Variants in DYRK1B observed in about 807,000 individuals in gnomAD.
The protein encoded by DYRK1B is dual specificity tyrosine-phosphorylation-regulated kinase 1B.
Under a neutral mutation model 57.1 loss-of-function variants are expected in DYRK1B, and 20 were observed. That is an observed-to-expected ratio of 0.35 (90% confidence interval 0.25 to 0.51). The LOEUF (loss-of-function observed/expected upper bound fraction) is 0.51. Among genes scored for constraint, DYRK1B ranks in the 20% least tolerant of loss-of-function variants. DYRK1B has a pLI of 0.96. For missense variants in DYRK1B, 732 were observed against 886.3 expected, an observed-to-expected ratio of 0.83 and a Z score of 2.21; for synonymous variants, 409 against 384.7, an observed-to-expected ratio of 1.06 and a Z score of -0.74.
At chr19:39,829,413 G>A (rs1291523300) in intron 5 of DYRK1B, among the ~76,000 whole-genome samples, 1 of 152,026 alleles carries the variant, frequency 6.6e-6, no homozygotes, top group Non-Finnish European at 1.5e-5. Context: ...ATTTTTAGTA[G>A]AGACGGGGTT....
rs1436953665 is a variant in DYRK1B at position 39,828,842 on chromosome 19, TTCC to T, written c.521-262_521-260del. ...CTACTAGCTCTAACACATTCTACACTTCCTCATTTAATTTCATAACACTGCTTT... is the reference window on the plus strand; with the variant it reads ...CTACTAGCTCTAACACATTCTACACTTCATTTAATTTCATAACACTGCTTT... On this transcript the variant is annotated intron_variant, in intron 5 of 10. Transcript: ENST00000323039. This position sits in a 1 kb window ranked among gnomAD's most constrained non-coding sequence, Gnocchi z 4.3. 3.9e-5 allele frequency among the ~76,000 whole-genome samples: 6 copies of T among 152,230 alleles called. No homozygotes were observed. Among genetic ancestry groups the T allele is most frequent in the Non-Finnish European group, 7.4e-5 (5 of 68,026 alleles).
chr19:39,826,393 T>A lies in DYRK1B; in HGVS notation c.1412-107A>T. The A allele has an allele frequency of 1.0e-6, 1 of 982,494 alleles. No homozygotes were observed. The highest frequency in any genetic ancestry group is 1.5e-6 in the Non-Finnish European group (1 of 683,334). 60.9% of individuals were successfully genotyped at this position (982,494 alleles called of 1,614,324 possible). On this transcript the variant is annotated intron_variant, in intron 9 of 10. Transcript: ENST00000323039. This position sits in a 1 kb window ranked among gnomAD's most constrained non-coding sequence, Gnocchi z 6.3. ...TCACGGCCCAGGCTCAGGTTCAGGC[T>A]TCAAGAGCAGAGCCCATCTGAAGCA...
At chr19:39,829,195 G>A (rs1968688896) in intron 5 of DYRK1B, among the ~76,000 whole-genome samples, 1 of 149,034 alleles carries the variant, frequency 6.7e-6, no homozygotes, top group African/African-American at 2.5e-5. Context: ...TGTAACTGTT[G>A]TTGTTGTTAT....
In DYRK1B at chr19:39,827,611, GCACC is replaced by G; in HGVS notation, c.849_852del (p.Glu283AspfsTer39). ...GCCAGGTCGTAGGGTGTGCCCAGGA[GCACC>G]TCAGGTGAGCGGTAGAAGCGGCTCT... On this transcript the variant is annotated frameshift_variant, in exon 7 of 11. Transcript: ENST00000323039. LOFTEE classifies it high-confidence loss of function. 6.2e-7 allele frequency: 1 copy of G among 1,614,122 alleles called. No individual in the cohort carries two copies.
intron 4 of DYRK1B, 58 bp downstream of exon 4, chr19:39,830,316 TG>T (rs770686845): frequency 6.2e-7 from 1 of 1,605,038 alleles, no homozygotes; most frequent in South Asian, 1.1e-5. Context: ...ACTGAACCAC[TG>T]GGTGTGTGAT....
intron 6 of DYRK1B, among the ~76,000 whole-genome samples, 166 bp from the exon 7 acceptor site, chr19:39,827,822 C>A (rs549258077): frequency 6.6e-6 from 1 of 152,208 alleles, no homozygotes; most frequent in African/African-American, 2.4e-5. Flanking sequence ...GCCACTGGTG[C>A]CATCTTGTTT....
Position 39,825,350 on chromosome 19 carries a change from T to A in DYRK1B, c.*365A>T. On this transcript the variant is annotated 3_prime_UTR_variant, in exon 11 of 11. Transcript: ENST00000323039. ...GGCCCTGCAAACGCTCAGGCAGGCATGTGAGAAAGCTCTTTACTGGGGGTA... is the reference window on the plus strand; with the variant it reads ...GGCCCTGCAAACGCTCAGGCAGGCAAGTGAGAAAGCTCTTTACTGGGGGTA... The A allele has an allele frequency of 5.0e-6, 1 of 201,872 alleles. No homozygotes were observed. The highest frequency in any genetic ancestry group is 1.0e-5 in the Non-Finnish European group (1 of 97,548). The allele number at this position is 201,872 out of a possible 1,614,324, so 12.5% of individuals were successfully genotyped here.
chr19:39,830,162 G>T, intron 4 of DYRK1B, 135 bp from the exon 5 acceptor site: 1 of 1,224,054 alleles, frequency 8.2e-7, no homozygotes. Context: ...CCATTAGTCA[G>T]GCGCTGGTGT....
chr19:39,832,957 A>G (rs766012005), intron 1 of DYRK1B: 1 of 984,990 alleles, frequency 1.0e-6, no homozygotes, highest in Non-Finnish European at 1.2e-6. Context: ...ACACCCTAAT[A>G]TTCCTACCAC....
rs751224588 is a variant in DYRK1B at position 39,826,721 on chromosome 19, G to A, written c.1362C>T (p.Pro454=). Residue 454 remains proline (P), a synonymous_variant, in exon 9 of 11, where the codon CCC becomes CCT. Transcript: ENST00000323039. This position sits in a 1 kb window ranked among gnomAD's most constrained non-coding sequence, Gnocchi z 6.3. ...TGCTGGAAGAGGGGCAGGTGTCGAG[G>A]GGCGCGGGCGAGGTGGAGGCACTGC... ...AGSSASTSPA[P]LDTCPSSSTA... The A allele has an allele frequency of 9.4e-6, 15 of 1,604,098 alleles. No homozygotes were observed. The African/African-American group carries it at 1.2e-4, about 13-fold the overall frequency.
chr19:39,826,249 G>T lies in DYRK1B; in HGVS notation c.1449C>A (p.Tyr483Ter). 6.3e-7 allele frequency: 1 copy of T among 1,597,518 alleles called. No homozygotes were observed. The highest frequency in any genetic ancestry group is 8.5e-7 in the Non-Finnish European group (1 of 1,174,034). ...CCCCACAATATCGGTTGCTGTAGCG[G>T]TAGGTCCGGTTGTCACTGGAGGAGC... ...SSGSSSDNRTYRYSNRYCGGP... is the reference protein window; with the variant it reads ...SSGSSSDNRT Residue 483 changes from tyrosine (Y) to a stop codon, truncating the protein, a stop_gained, in exon 10 of 11, where the codon TAC (tyrosine) becomes TAA (stop). Coordinates refer to ENST00000323039, the MANE Select transcript of DYRK1B (RefSeq NM_004714.3). LOFTEE classifies it high-confidence loss of function. The surrounding 1 kb of genome is among the most constrained non-coding windows in gnomAD (Gnocchi z 6.3).
In DYRK1B at chr19:39,826,888, C is replaced by A. The variant is rs868846420; in HGVS notation, c.1195G>T (p.Ala399Ser). Reference sequence around the variant, plus strand: ...AGGTCCTGGAAGCGGAGGTAGTCGGCGGGGCTGTGGCCCGGCTCCCCCGCC... The same window carrying A: ...AGGTCCTGGAAGCGGAGGTAGTCGGAGGGGCTGTGGCCCGGCTCCCCCGCC... Reference protein sequence around the residue: ...RRAGEPGHSPADYLRFQDLVL... With the variant: ...RRAGEPGHSPSDYLRFQDLVL... Residue 399 changes from alanine to serine, a missense_variant, in exon 9 of 11, where the codon GCC (alanine) becomes TCC (serine). Ala to Ser is a moderately conservative substitution (Grantham distance 99, BLOSUM62 1). This residue lies in a region of DYRK1B where 510 missense variants were observed against 681.3 expected (regional missense o/e 0.75). Transcript: ENST00000323039. This position sits in a 1 kb window ranked among gnomAD's most constrained non-coding sequence, Gnocchi z 6.3. 2 of 1,422,728 alleles carry A rather than the reference C, an allele frequency of 1.4e-6. No homozygotes were observed. Among genetic ancestry groups the A allele is most frequent in the African/African-American group, 1.5e-5 (1 of 66,382 alleles). The allele number at this position is 1,422,728 out of a possible 1,614,324, so 88.1% of individuals were successfully genotyped here. A position where few individuals can be genotyped will look rare whatever the true frequency, so the allele number is the denominator to read the frequency against.
intron 4 of DYRK1B, 34 bp from the exon 5 acceptor site, chr19:39,830,061 T>C (rs768376944): frequency 6.2e-7 from 1 of 1,611,046 alleles, no homozygotes; most frequent in Non-Finnish European, 8.5e-7. Flanking sequence ...AAGAAAGGGG[T>C]GGGAGCAGGG....
In DYRK1B at chr19:39,827,003, T is replaced by TGGGGGGGGG. The variant is rs990447781; in HGVS notation, c.1096-17_1096-16insCCCCCCCCC. On this transcript the variant is annotated splice_polypyrimidine_tract_variant and intron_variant, in intron 8 of 10. Coordinates refer to ENST00000323039, the MANE Select transcript of DYRK1B (RefSeq NM_004714.3). ...CCTGGTAATCCTGGCAGGGAGGGGG[T>TGGGGGGGGG]GGGAGGGGGGGCAAGAGAGTGGCCG... 1 of 122,312 alleles carries TGGGGGGGGG rather than the reference T, an allele frequency of 8.2e-6. No individual in the cohort carries two copies. The highest frequency in any genetic ancestry group is 1.3e-5 in the Non-Finnish European group (1 of 75,776). 7.6% of individuals were successfully genotyped at this position (122,312 alleles called of 1,614,324 possible). A position where few individuals can be genotyped will look rare whatever the true frequency, so the allele number is the denominator to read the frequency against.
intron 6 of DYRK1B, 83 bp from the exon 7 acceptor site, chr19:39,827,739 G>T: frequency 6.6e-7 from 1 of 1,516,306 alleles, no homozygotes; most frequent in Non-Finnish European, 8.9e-7. Flanking sequence ...ACCCAACTGA[G>T]GACAGGCTTC....
intron 6 of DYRK1B, 35 bp from the exon 7 acceptor site, chr19:39,827,691 C>A: frequency 6.2e-7 from 1 of 1,602,320 alleles, no homozygotes; most frequent in South Asian, 1.1e-5. Flanking sequence ...GACCCAGCCT[C>A]CCCTACTGGT....
rs1968522826 is a variant in DYRK1B at position 39,826,115 on chromosome 19, G to A, written c.1519-29C>T. Reference sequence around the variant, plus strand: ...AAAAAGCAAAGGAGCCATGGGTGATGGAGACCCTGGTCTCTAAGCCCCAGG... The same window carrying A: ...AAAAAGCAAAGGAGCCATGGGTGATAGAGACCCTGGTCTCTAAGCCCCAGG... On this transcript the variant is annotated intron_variant, in intron 10 of 10. Transcript: ENST00000323039. The surrounding 1 kb of genome is among the most constrained non-coding windows in gnomAD (Gnocchi z 6.3). 9 of 1,548,246 alleles carry A rather than the reference G, an allele frequency of 5.8e-6. No individual in the cohort carries two copies. The highest frequency in any genetic ancestry group is 6.1e-6 in the Non-Finnish European group (7 of 1,154,182).
chr19:39,827,651 G>C lies in DYRK1B; in HGVS notation c.813C>G (p.Tyr271Ter), dbSNP rs562169098. ...GSSCQLGQRI[Y>*]QYIQSRFYRS... ...GGTAGAAGCGGCTCTGGATATACTG[G>C]TAGATCTGGGAAAAGGGTAATCGTC... The change falls in exon 7 of 11, where the codon TAC becomes TAG. Residue 271 changes from tyrosine to a stop codon, truncating the protein, a stop_gained. Coordinates refer to ENST00000323039, the MANE Select transcript of DYRK1B (RefSeq NM_004714.3). LOFTEE classifies it high-confidence loss of function. The C allele has an allele frequency of 6.2e-7, 1 of 1,613,400 alleles. No homozygotes were observed. The highest frequency in any genetic ancestry group is 8.5e-7 in the Non-Finnish European group (1 of 1,179,598).
chr19:39,829,075 C>T (rs888465672), intron 5 of DYRK1B, among the ~76,000 whole-genome samples: 3 of 152,136 alleles, frequency 2.0e-5, no homozygotes, highest in Non-Finnish European at 4.4e-5. Flanking sequence ...CTGGAGTCCA[C>T]GACCTCATCA....
Sources: allele counts gnomAD v4.1 joint callset (sites outside exome capture counted in the v4.1 genomes callset), GRCh38; gene constraint gnomAD v4.1.1; regional missense constraint gnomAD v4.1.1; non-coding constraint Gnocchi (gnomAD v3.1); transcripts MANE v1.5; gene names NCBI Gene and HGNC (gene_info 2026-07-23, HGNC 2026-07-21).